The following ANXA4 variants were observed in gnomAD, a reference collection of about 807,000 sequenced individuals.
ANXA4 encodes the protein annexin A4, also known as 35-beta calcimedin.
Under a neutral mutation model 49.8 loss-of-function variants are expected in ANXA4, and 39 were observed. The ratio of observed to expected loss-of-function variants is 0.78; its 90% CI spans 0.61 to 1.02. ANXA4 has a LOEUF of 1.02. Among genes scored for constraint, ANXA4 ranks in the 50% least tolerant of loss-of-function variants. The pLI, the probability that ANXA4 is intolerant of heterozygous loss-of-function variation, is 0.00. For synonymous variants in ANXA4, 134 were observed against 152.5 expected, an observed-to-expected ratio of 0.88 and a Z score of 0.89; for missense variants, 360 against 410.1, an observed-to-expected ratio of 0.88 and a Z score of 1.05.
intron 2 of ANXA4, among the ~76,000 whole-genome samples, chr2:69,677,344 C>T (rs1457877905): frequency 1.3e-5 from 2 of 152,070 alleles, no homozygotes; most frequent in African/African-American, 4.8e-5. Flanking sequence ...GTTCTCCTAC[C>T]TCAGCCTCCC....
At chr2:69,764,668 A>G (rs1246650912) in intron 1 of ANXA4, among the ~76,000 whole-genome samples, 3 of 152,226 alleles carry the variant, frequency 2.0e-5, no homozygotes, top group African/African-American at 4.8e-5. Flanking sequence ...TTTAAAATCA[A>G]CTTTTAAAAA....
intron 2 of ANXA4, among the ~76,000 whole-genome samples, chr2:69,676,020 T>C (rs867154193): frequency 6.7e-5 from 10 of 148,636 alleles, no homozygotes; most frequent in African/African-American, 2.5e-4. Context: ...AAAAAAAAAA[T>C]AATAATGATA....
chr2:69,694,695 G>GT lies in ANXA4; in HGVS notation n.767-26076dup, dbSNP rs1333844222. On this transcript the variant is annotated intron_variant and non_coding_transcript_variant, in intron 2 of 3. Transcript: ENST00000418066. Reference sequence around the variant, plus strand: ...AGCATCATAACAATACATTTCTATGGTTTATAAAATACCCAGTCTATGGCA... The same window carrying GT: ...AGCATCATAACAATACATTTCTATGGTTTTATAAAATACCCAGTCTATGGCA... Among the ~76,000 whole-genome samples the GT allele has an allele frequency of 3.3e-5, 5 of 151,626 alleles. 1 individual carries two copies. The highest frequency in any genetic ancestry group is 5.9e-5 in the Non-Finnish European group (4 of 67,946).
At chr2:69,761,027 AAAAT>A (rs915591595) in intron 1 of ANXA4, among the ~76,000 whole-genome samples, 14 of 145,272 alleles carry the variant, frequency 9.6e-5, no homozygotes, top group African/African-American at 2.6e-4. Flanking sequence ...AATTAATTAA[AAAAT>A]AAATAAATAT....
At chr2:69,761,974 G>A (rs965079733) in intron 1 of ANXA4, among the ~76,000 whole-genome samples, 2 of 152,106 alleles carry the variant, frequency 1.3e-5, no homozygotes, top group Admixed American at 6.5e-5. Flanking sequence ...GTGATTACGT[G>A]TAATACTAGA....
At chr2:69,682,305 CA>C (rs1677629134) in intron 2 of ANXA4, among the ~76,000 whole-genome samples, 1 of 152,062 alleles carries the variant, frequency 6.6e-6, no homozygotes, top group Non-Finnish European at 1.5e-5. Context: ...TGTCAATTTC[CA>C]TTTGTTTCAA....
At chr2:69,677,527 G>A (rs1388236090) in intron 2 of ANXA4, among the ~76,000 whole-genome samples, 1 of 152,168 alleles carries the variant, frequency 6.6e-6, no homozygotes, top group Non-Finnish European at 1.5e-5. Flanking sequence ...ACTGTGCCTG[G>A]CCTCATAAAT....
chr2:69,800,746 G>T (rs1263775010), intron 3 of ANXA4, among the ~76,000 whole-genome samples: 4 of 152,188 alleles, frequency 2.6e-5, no homozygotes, highest in Non-Finnish European at 5.9e-5. Context: ...GGGAGTCATG[G>T]TAAATCCACA....
intron 1 of ANXA4, among the ~76,000 whole-genome samples, chr2:69,751,979 A>T (rs1014724216): frequency 6.6e-6 from 1 of 152,226 alleles, no homozygotes; most frequent in Admixed American, 6.5e-5. Context: ...GGACTGTATG[A>T]TCAGTATAAT....
At chr2:69,709,616 C>T (rs997400928) in intron 2 of ANXA4, among the ~76,000 whole-genome samples, 4 of 152,220 alleles carry the variant, frequency 2.6e-5, no homozygotes, top group Admixed American at 6.5e-5. Flanking sequence ...CGGGAAGCCA[C>T]ATCCCAGAAA....
At chr2:69,768,277 A>G (rs2105547911) in intron 1 of ANXA4, among the ~76,000 whole-genome samples, 1 of 152,342 alleles carries the variant, frequency 6.6e-6, no homozygotes, top group East Asian at 1.9e-4. Context: ...ATTTTAAAAT[A>G]AAGTCCCTCT....
intron 2 of ANXA4, among the ~76,000 whole-genome samples, chr2:69,697,817 C>T (rs1225995637): frequency 6.6e-6 from 1 of 151,908 alleles, no homozygotes; most frequent in African/African-American, 2.4e-5. Flanking sequence ...TAAACATTAA[C>T]AATGGTAACA....
intron 2 of ANXA4, among the ~76,000 whole-genome samples, chr2:69,691,573 GCACACA>G (rs10590162): frequency 0.14 from 20,697 of 149,840 alleles, 2,017 homozygotes; most frequent in East Asian, 0.37. Context: ...ACACACACAT[GCACACA>G]CACACACACA....
chr2:69,644,639 C>T (rs1675928509), exon 1 of ANXA4: 1 of 152,190 alleles, frequency 6.6e-6, no homozygotes, highest in Admixed American at 6.5e-5. Flanking sequence ...GAGACCCAGC[C>T]CGTTGGCTTG....
At chr2:69,795,672 G>C (rs1183891777) in intron 3 of ANXA4, among the ~76,000 whole-genome samples, 1 of 152,164 alleles carries the variant, frequency 6.6e-6, no homozygotes, top group African/African-American at 2.4e-5. Context: ...GTTTTAGCTT[G>C]ACCTATTCTT....
At chr2:69,790,784 G>C (rs894332507) in intron 3 of ANXA4, among the ~76,000 whole-genome samples, 1 of 152,202 alleles carries the variant, frequency 6.6e-6, no homozygotes, top group Non-Finnish European at 1.5e-5. Context: ...GAGATTCCTG[G>C]TTGGTTGACA....
chr2:69,744,763 G>T (rs1484616865), intron 1 of ANXA4, among the ~76,000 whole-genome samples: 4 of 152,196 alleles, frequency 2.6e-5, no homozygotes, highest in Admixed American at 6.5e-5. Context: ...AAATCCAGCT[G>T]CCAGGATACA....
intron 2 of ANXA4, among the ~76,000 whole-genome samples, chr2:69,697,611 G>C (rs1311710025): frequency 6.6e-6 from 1 of 152,134 alleles, no homozygotes; most frequent in African/African-American, 2.4e-5. Flanking sequence ...TGCTTACTAA[G>C]CTTAATCATT....
intron 2 of ANXA4, among the ~76,000 whole-genome samples, chr2:69,663,293 C>CTT (rs55970370): frequency 0.032 from 1,358 of 42,808 alleles, 396 homozygotes; most frequent in African/African-American, 0.056. Context: ...TGCACCCGGC[C>CTT]TTTTTTTTTT....
Sources: gnomAD v4.1 joint callset for allele counts (sites outside exome capture counted in the v4.1 genomes callset) on GRCh38, gnomAD v4.1.1 for gene constraint, MANE v1.5 for transcripts, NCBI Gene and HGNC (gene_info 2026-07-23, HGNC 2026-07-21) for gene names.